Variants in ADCY9 observed in about 807,000 individuals in gnomAD.
ADCY9 encodes adenylate cyclase 9, also known as adenylate cyclase type 9.
ADCY9 carries 50 observed loss-of-function variants against 101.5 expected under a neutral mutation model. The observed-to-expected ratio is 0.49, with a 90% CI of 0.39 to 0.62. The LOEUF is 0.62. Ranked by LOEUF, ADCY9 falls within the 20% of genes least tolerant of loss-of-function variation. The pLI, the probability that ADCY9 is intolerant of heterozygous loss-of-function variation, is 0.00. For missense variants in ADCY9, 1,662 were observed against 1,800.4 expected (o/e 0.92, Z 1.39); for synonymous variants, 905 against 769.3 (o/e 1.18, Z -2.92).
chr16:4,114,839 C>G lies in ADCY9; in HGVS notation c.604G>C (p.Gly202Arg). The G allele has an allele frequency of 6.2e-7, 1 of 1,613,520 alleles. No individual in the cohort carries two copies. Among genetic ancestry groups the G allele is most frequent in the Non-Finnish European group, 8.5e-7 (1 of 1,180,038 alleles). Residue 202 changes from glycine to arginine, a missense_variant, in exon 2 of 11, where the codon GGC becomes CGC. This residue lies in a region of ADCY9 where 422 missense variants were observed against 392.0 expected (regional missense o/e 1.08). Transcript: ENST00000294016. This position sits in a 1 kb window ranked among gnomAD's most constrained non-coding sequence, Gnocchi z 4.3. ...FQVLTPVSGR[G>R]DSSNLTATAR... ...GTGGCCGTAAGGTTGGAGCTGTCGCCGCGTCCTGAGACAGGCGTCAAGACC... is the reference window on the plus strand; with the variant it reads ...GTGGCCGTAAGGTTGGAGCTGTCGCGGCGTCCTGAGACAGGCGTCAAGACC...
intron 2 of ADCY9, among the ~76,000 whole-genome samples, chr16:4,101,465 G>A (rs936954077): frequency 1.3e-5 from 2 of 152,010 alleles, no homozygotes; most frequent in East Asian, 3.9e-4. Context: ...TATTTTTAGA[G>A]ACAGGGTCTC....
At chr16:4,014,741 C>A (rs1304061641) in intron 2 of ADCY9, among the ~76,000 whole-genome samples, 1 of 151,272 alleles carries the variant, frequency 6.6e-6, no homozygotes, top group Admixed American at 6.6e-5. Context: ...AGCCACCACA[C>A]CCAGCCAGAA....
intron 2 of ADCY9, among the ~76,000 whole-genome samples, chr16:4,038,498 G>A (rs1286438471): frequency 6.6e-6 from 1 of 152,054 alleles, no homozygotes. Flanking sequence ...TGGACTTCTC[G>A]GCCTCCAGAA....
At chr16:4,070,714 G>A (rs1181584516) in intron 2 of ADCY9, among the ~76,000 whole-genome samples, 2 of 152,036 alleles carry the variant, frequency 1.3e-5, no homozygotes, top group Non-Finnish European at 2.9e-5. Context: ...GGGAGGCCGA[G>A]GCAGGAGGAC....
intron 2 of ADCY9, among the ~76,000 whole-genome samples, chr16:4,086,609 T>C (rs191043168): frequency 9.2e-4 from 140 of 152,226 alleles, no homozygotes; most frequent in African/African-American, 3.2e-3. Context: ...ATGTAGATTT[T>C]ATCCATTAAT....
Position 3,988,991 on chromosome 16 carries a change from C to G in ADCY9, c.2310+3G>C, listed in dbSNP as rs766399051. ...GTAAAAGCGCAAGGAGAAATGAACG[C>G]ACCTCTTCCTGATAGCTGGTCCTGT... is the stretch of plus-strand genomic sequence containing the variant. On this transcript the variant is annotated splice_donor_region_variant and intron_variant, in intron 6 of 10. Coordinates refer to ENST00000294016, the MANE Select transcript of ADCY9 (RefSeq NM_001116.4). The G allele has an allele frequency of 1.9e-6, 3 of 1,608,876 alleles. No homozygotes were observed. In the South Asian group the frequency reaches 3.3e-5, roughly 18 times the overall value.
At chr16:4,035,817 T>G (rs563704419) in intron 2 of ADCY9, among the ~76,000 whole-genome samples, 1 of 151,532 alleles carries the variant, frequency 6.6e-6, no homozygotes, top group South Asian at 2.1e-4. Flanking sequence ...CTGACCAACA[T>G]GGAAAAACCC....
chr16:3,997,476 G>A (rs975501963), intron 3 of ADCY9, among the ~76,000 whole-genome samples: 5 of 152,348 alleles, frequency 3.3e-5, no homozygotes, highest in East Asian at 1.9e-4. Flanking sequence ...AACAGAGGCC[G>A]AGGCCTGCAC....
intron 3 of ADCY9, among the ~76,000 whole-genome samples, chr16:4,001,155 G>A (rs1056218916): frequency 6.6e-6 from 1 of 152,120 alleles, no homozygotes; most frequent in Non-Finnish European, 1.5e-5. Context: ...CGTTAACTAA[G>A]CTGCTGGCTT....
intron 2 of ADCY9, among the ~76,000 whole-genome samples, chr16:4,019,569 G>C (rs1479952060): frequency 6.6e-6 from 1 of 152,252 alleles, no homozygotes. Context: ...TCATAAAACA[G>C]TGACCTGGAG....
chr16:4,006,940 T>C (rs545997602), intron 3 of ADCY9, among the ~76,000 whole-genome samples: 114 of 152,264 alleles, frequency 7.5e-4, no homozygotes, highest in Admixed American at 1.5e-3. Context: ...TCATTTCAAG[T>C]AATCATAAAA....
intron 2 of ADCY9, among the ~76,000 whole-genome samples, chr16:4,101,525 T>C (rs554354021): frequency 3.7e-4 from 56 of 152,260 alleles, no homozygotes; most frequent in African/African-American, 1.3e-3. Context: ...GCGATCCTCC[T>C]ACCTTGGCCT....
chr16:4,008,378 G>A (rs1390465762), intron 2 of ADCY9, among the ~76,000 whole-genome samples: 1 of 152,132 alleles, frequency 6.6e-6, no homozygotes, highest in East Asian at 1.9e-4. Flanking sequence ...TTTCTAGAAA[G>A]AGCCCAAGGA....
chr16:3,954,419 G>A (rs1381809305), intron 5 of ADCY9, among the ~76,000 whole-genome samples: 1 of 152,180 alleles, frequency 6.6e-6, no homozygotes, highest in African/African-American at 2.4e-5. Flanking sequence ...GCCCAGGAGC[G>A]AATGGATGAA....
intron 2 of ADCY9, among the ~76,000 whole-genome samples, chr16:4,103,036 A>G (rs1403220162): frequency 6.6e-6 from 1 of 152,230 alleles, no homozygotes; most frequent in Non-Finnish European, 1.5e-5. Flanking sequence ...GATGGTCTTT[A>G]TCACACACTT....
intron 2 of ADCY9, among the ~76,000 whole-genome samples, chr16:4,061,374 A>C (rs968992682): frequency 6.6e-6 from 1 of 152,222 alleles, no homozygotes; most frequent in South Asian, 2.1e-4. Context: ...AAGTAAGCTC[A>C]AAAAACTCCA....
Position 4,003,045 on chromosome 16 carries a change from G to A in ADCY9, c.1884+4323C>T, listed in dbSNP as rs755448870. Among the ~76,000 whole-genome samples the A allele has an allele frequency of 6.2e-4, 95 of 152,102 alleles. 1 individual carries two copies. The highest frequency in any genetic ancestry group is 1.2e-3 in the Non-Finnish European group (80 of 68,014). ...TTTCTTTTTCTTCATGAAGATGTTG[G>A]AAAAGCTGTTTTTATTGATATATGG... On this transcript the variant is annotated intron_variant, in intron 3 of 10. Transcript: ENST00000294016.
At chr16:4,018,560 T>C (rs1013521387) in intron 2 of ADCY9, among the ~76,000 whole-genome samples, 1 of 152,214 alleles carries the variant, frequency 6.6e-6, no homozygotes, top group African/African-American at 2.4e-5. Flanking sequence ...GTCATGCCGC[T>C]GCCTTCACCA....
In ADCY9 at chr16:3,977,645, G is replaced by GTA; in HGVS notation, c.2680-16_2680-15insTA. 6.2e-7 allele frequency: 1 copy of GTA among 1,603,720 alleles called. No homozygotes were observed. Among genetic ancestry groups the GTA allele is most frequent in the Non-Finnish European group, 8.5e-7 (1 of 1,172,380 alleles). On this transcript the variant is annotated splice_polypyrimidine_tract_variant and intron_variant, in intron 8 of 10. Coordinates refer to ENST00000294016, the MANE Select transcript of ADCY9 (RefSeq NM_001116.4). ...AACACTGGGAACTGCAAGAGGCGAA[G>GTA]GGTTAGGACAGCCGCCCAGGGCCAC...
Sources: gnomAD v4.1 joint callset for allele counts (sites outside exome capture counted in the v4.1 genomes callset) on GRCh38, gnomAD v4.1.1 for gene constraint, gnomAD v4.1.1 regional missense constraint, Gnocchi (gnomAD v3.1) non-coding constraint, MANE v1.5 for transcripts, NCBI Gene and HGNC (gene_info 2026-07-23, HGNC 2026-07-21) for gene names.